Variants in TRMT11 observed in about 807,000 individuals in gnomAD.
TRMT11 encodes tRNA methyltransferase 11, also known as tRNA (guanine(10)-N(2))-methyltransferase TRMT11.
A neutral mutation model predicts 62.8 loss-of-function variants in TRMT11; 53 were observed. The ratio of observed to expected loss-of-function variants is 0.84; its 90% CI spans 0.68 to 1.06. TRMT11 has a LOEUF of 1.06. Ranked by LOEUF, TRMT11 falls within the 50% of genes least tolerant of loss-of-function variation. The probability of loss-of-function intolerance (pLI) is 0.00; values close to 1 mark genes in which losing one functional copy is unlikely to be tolerated. For synonymous variants in TRMT11, 188 were observed against 190.3 expected, an observed-to-expected ratio of 0.99 and a Z score of 0.10; for missense variants, 556 against 553.4, an observed-to-expected ratio of 1.00 and a Z score of -0.05.
At chr6:126,140,847 T>TA (rs1777908856) in intron 21 of TRMT11, among the ~76,000 whole-genome samples, 2 of 152,066 alleles carry the variant, frequency 1.3e-5, no homozygotes, top group Admixed American at 6.6e-5. Flanking sequence ...ATTTTGCTTT[T>TA]AAAAAAATCA....
downstream of TRMT11, among the ~76,000 whole-genome samples, chr6:126,205,925 A>ATGCG (rs1192701205): frequency 6.6e-6 from 1 of 151,662 alleles, no homozygotes; most frequent in Non-Finnish European, 1.5e-5. Flanking sequence ...ACACACACAC[A>ATGCG]CACACACACA....
chr6:126,251,637 C>T, the TRMT11 span, among the ~76,000 whole-genome samples: 1 of 152,056 alleles, frequency 6.6e-6, no homozygotes, highest in Admixed American at 6.5e-5. Flanking sequence ...CCTCTCTGTC[C>T]CCAGCCCGTG....
At chr6:126,210,806 G>A in the TRMT11 span, among the ~76,000 whole-genome samples, 1 of 152,192 alleles carries the variant, frequency 6.6e-6, no homozygotes, top group South Asian at 2.1e-4. Context: ...AAAAATCCTA[G>A]AATTGTGTTG....
At chr6:126,105,777 C>T (rs1278568188) in intron 17 of TRMT11, among the ~76,000 whole-genome samples, 1 of 152,090 alleles carries the variant, frequency 6.6e-6, no homozygotes, top group Non-Finnish European at 1.5e-5. Flanking sequence ...GGGGAAAGCA[C>T]AACCATGTAA....
Position 126,022,161 on chromosome 6 carries a change from A to G in TRMT11, c.1260+881A>G, listed in dbSNP as rs563018978. On this transcript the variant is annotated intron_variant, in intron 12 of 12. Coordinates refer to ENST00000334379, the MANE Select transcript of TRMT11 (RefSeq NM_001031712.3). ...TGGTTTCAAGTGATTCTCCTGCCTC[A>G]GCCTCCTGAGTAGCTGGGATTACAG... 2.0e-4 allele frequency among the ~76,000 whole-genome samples: 29 copies of G among 142,176 alleles called. No individual in the cohort carries two copies. The South Asian group carries it at 6.4e-3, about 32-fold the overall frequency. The allele number at this position is 142,176 out of a possible 152,430, so 93.3% of individuals were successfully genotyped here.
At chr6:126,150,310 T>C (rs572508497) in intron 21 of TRMT11, among the ~76,000 whole-genome samples, 156 of 152,294 alleles carry the variant, frequency 1.0e-3, no homozygotes, top group Non-Finnish European at 1.6e-3. Context: ...TCCTCAACCT[T>C]GGATGGTCCA....
At chr6:126,167,459 T>A (rs1271679182) in intron 21 of TRMT11, among the ~76,000 whole-genome samples, 1 of 152,096 alleles carries the variant, frequency 6.6e-6, no homozygotes, top group African/African-American at 2.4e-5. Flanking sequence ...GTCTAACCAG[T>A]CCCAATGAGA....
At chr6:126,183,693 T>A (rs1489018092) in intron 1 of TRMT11, among the ~76,000 whole-genome samples, 3 of 152,118 alleles carry the variant, frequency 2.0e-5, no homozygotes, top group Non-Finnish European at 1.5e-5. Flanking sequence ...GAACTCATCT[T>A]TATGGAACCT....
downstream of TRMT11, among the ~76,000 whole-genome samples, chr6:126,204,048 T>C (rs1272417740): frequency 2.0e-5 from 3 of 152,162 alleles, no homozygotes; most frequent in African/African-American, 7.2e-5. Flanking sequence ...ACCAACCATT[T>C]GCAAGATTTG....
intron 12 of TRMT11, among the ~76,000 whole-genome samples, chr6:126,037,178 A>G (rs1352160345): frequency 1.3e-5 from 2 of 151,962 alleles, no homozygotes; most frequent in African/African-American, 4.8e-5. Context: ...TTAAGGGTGC[A>G]GTCTTTAGAG....
chr6:126,154,155 T>C (rs1163813318), intron 21 of TRMT11, among the ~76,000 whole-genome samples: 1 of 152,246 alleles, frequency 6.6e-6, no homozygotes, highest in African/African-American at 2.4e-5. Flanking sequence ...ATAAGTTCTT[T>C]CCACTACCAC....
intron 17 of TRMT11, among the ~76,000 whole-genome samples, chr6:126,084,517 C>T (rs960962019): frequency 2.6e-5 from 4 of 152,022 alleles, no homozygotes; most frequent in Non-Finnish European, 5.9e-5. Context: ...CCATAGGCTA[C>T]TGTTTCATTT....
the TRMT11 span, among the ~76,000 whole-genome samples, chr6:126,260,705 T>C: frequency 6.6e-6 from 1 of 152,232 alleles, no homozygotes; most frequent in Non-Finnish European, 1.5e-5. Flanking sequence ...TATAGTATTC[T>C]TGACTGAAAG....
intron 17 of TRMT11, among the ~76,000 whole-genome samples, chr6:126,108,061 G>A (rs958752818): frequency 6.6e-6 from 1 of 152,130 alleles, no homozygotes; most frequent in Non-Finnish European, 1.5e-5. Flanking sequence ...AGTAACACAT[G>A]TTTTTGTCTC....
chr6:126,176,553 A>G (rs562658676), upstream of TRMT11, among the ~76,000 whole-genome samples: 25 of 152,294 alleles, frequency 1.6e-4, no homozygotes, highest in Admixed American at 1.6e-3. Flanking sequence ...CCTGTGACCT[A>G]TGGGTAAAAT....
chr6:126,238,668 T>C, the TRMT11 span, among the ~76,000 whole-genome samples: 1 of 152,234 alleles, frequency 6.6e-6, no homozygotes, highest in Non-Finnish European at 1.5e-5. Flanking sequence ...GGTGTGGTGC[T>C]GAGAAGAATG....
intron 1 of TRMT11, among the ~76,000 whole-genome samples, chr6:126,190,925 A>G (rs1073740): frequency 0.064 from 9,704 of 152,200 alleles, 1,062 homozygotes; most frequent in African/African-American, 0.22. Flanking sequence ...TATCTCTTCA[A>G]CATACTTATT....
chr6:126,145,913 T>C lies in TRMT11; in HGVS notation c.*1824-28912T>C, dbSNP rs79157381. Among the ~76,000 whole-genome samples, 1,056 of 152,290 alleles carry C rather than the reference T, an allele frequency of 6.9e-3. 11 individuals are homozygous for C. Among genetic ancestry groups the C allele is most frequent in the African/African-American group, 0.024 (1,006 of 41,568 alleles). ...AAAAATCTGATATTTTAAAAATAAATCTCCAGGTGGACCAAAGGTTCATAT... is the reference window on the plus strand; with the variant it reads ...AAAAATCTGATATTTTAAAAATAAACCTCCAGGTGGACCAAAGGTTCATAT... On this transcript the variant is annotated intron_variant and NMD_transcript_variant, in intron 21 of 22. Coordinates refer to the TRMT11 transcript ENST00000648977.
chr6:126,038,437 C>CAAAAAA (rs72178194), intron 12 of TRMT11, among the ~76,000 whole-genome samples: 1 of 129,256 alleles, frequency 7.7e-6, no homozygotes, highest in Non-Finnish European at 1.7e-5. Context: ...TGCCCTGAGG[C>CAAAAAA]AAAAAAAAAA....
Sources: gnomAD v4.1 joint callset for allele counts (sites outside exome capture counted in the v4.1 genomes callset) on GRCh38, gnomAD v4.1.1 for gene constraint, MANE v1.5 for transcripts, NCBI Gene and HGNC (gene_info 2026-07-23, HGNC 2026-07-21) for gene names.